Variants in ZNF831 observed in about 807,000 individuals in gnomAD.
ZNF831 encodes the protein chromosome 20 open reading frame 174.
In ZNF831, 59 loss-of-function variants were observed where a neutral mutation model predicts 95.8. That is an observed-to-expected ratio of 0.62 (90% CI 0.50 to 0.77). The LOEUF is 0.77. ZNF831 is among the 30% of genes least tolerant of loss of function. ZNF831 has a pLI of 0.00. For synonymous variants in ZNF831, 961 were observed against 925.5 expected (o/e 1.04, Z -0.70); for missense variants, 2,205 against 2,164.0 (o/e 1.02, Z -0.38).
intron 2 of ZNF831, among the ~76,000 whole-genome samples, chr20:59,151,072 C>T (rs919662956): frequency 1.3e-5 from 2 of 152,192 alleles, no homozygotes; most frequent in South Asian, 2.1e-4. Flanking sequence ...GGGCTGATAG[C>T]GGCTGGGTCT....
chr20:59,185,744 C>T (rs1000976070), intron 1 of ZNF831, among the ~76,000 whole-genome samples: 2 of 152,190 alleles, frequency 1.3e-5, no homozygotes, highest in Admixed American at 1.3e-4. Context: ...CAGGAATTGC[C>T]ACTGAGGCAG....
At chr20:59,130,186 G>A (rs1979304315) in intron 1 of ZNF831, among the ~76,000 whole-genome samples, 1 of 152,196 alleles carries the variant, frequency 6.6e-6, no homozygotes. Context: ...TGTTATTAAA[G>A]AGACAGGGCC....
chr20:59,162,370 G>T (rs1980925990), upstream of ZNF831, among the ~76,000 whole-genome samples: 1 of 152,032 alleles, frequency 6.6e-6, no homozygotes, highest in Admixed American at 6.6e-5. Flanking sequence ...TTTCTTGTAG[G>T]ATTTTTATAG....
chr20:59,190,011 G>T (rs968540322), intron 1 of ZNF831, among the ~76,000 whole-genome samples: 3 of 152,184 alleles, frequency 2.0e-5, no homozygotes, highest in Non-Finnish European at 4.4e-5. Context: ...CTTGCATCTG[G>T]CTTTTCCTTT....
chr20:59,224,604 A>G (rs952802997), intron 4 of ZNF831, among the ~76,000 whole-genome samples: 5 of 152,246 alleles, frequency 3.3e-5, no homozygotes, highest in Admixed American at 2.6e-4. Flanking sequence ...GCTAGGCATT[A>G]GACATTGTTT....
intron 1 of ZNF831, among the ~76,000 whole-genome samples, chr20:59,126,693 C>T (rs1049856883): frequency 6.6e-6 from 1 of 152,234 alleles, no homozygotes; most frequent in Non-Finnish European, 1.5e-5. Flanking sequence ...AGGCCACGCA[C>T]TCATAGTCTC....
chr20:59,224,033 G>A (rs1213330475), intron 4 of ZNF831, among the ~76,000 whole-genome samples: 2 of 152,230 alleles, frequency 1.3e-5, no homozygotes, highest in Non-Finnish European at 2.9e-5. Context: ...CGCTCTTTTG[G>A]GGGTGGATGG....
At chr20:59,226,943 A>G (rs1044856821) in intron 4 of ZNF831, among the ~76,000 whole-genome samples, 1 of 152,140 alleles carries the variant, frequency 6.6e-6, no homozygotes, top group Non-Finnish European at 1.5e-5. Context: ...TTCACCTGAC[A>G]TTAGGACAGT....
intron 4 of ZNF831, among the ~76,000 whole-genome samples, chr20:59,215,020 G>A (rs758013325): frequency 3.9e-5 from 6 of 152,114 alleles, no homozygotes; most frequent in South Asian, 4.1e-4. Flanking sequence ...CTTTCTAGCC[G>A]ATGACATATC....
Position 59,186,395 on chromosome 20 carries a change from G to A in ZNF831, c.-36-4589G>A, listed in dbSNP as rs181446626. Among the ~76,000 whole-genome samples, 24 of 152,318 alleles carry A rather than the reference G, an allele frequency of 1.6e-4. No individual in the cohort carries two copies. In the East Asian group the frequency reaches 2.7e-3, roughly 17 times the overall value. ...AGACAGGGTGGGGGAGGAACCGGTA[G>A]TTAATAGTTCAAAATATTATGGCGT... On this transcript the variant is annotated intron_variant, in intron 1 of 5. Transcript: ENST00000371030.
intron 4 of ZNF831, among the ~76,000 whole-genome samples, chr20:59,223,406 C>A (rs1986225225): frequency 6.6e-6 from 1 of 152,154 alleles, no homozygotes; most frequent in Admixed American, 6.5e-5. Context: ...CAGAACTAGC[C>A]ATGTTTTTTA....
chr20:59,152,196 C>A (rs921783868), intron 2 of ZNF831, among the ~76,000 whole-genome samples: 1 of 152,148 alleles, frequency 6.6e-6, no homozygotes. Context: ...AAAAGTACAG[C>A]GCTCACTTTT....
At chr20:59,173,044 G>A (rs1981868946) in intron 1 of ZNF831, among the ~76,000 whole-genome samples, 1 of 152,120 alleles carries the variant, frequency 6.6e-6, no homozygotes, top group Admixed American at 6.5e-5. Flanking sequence ...CCCTTTCAAG[G>A]CATCTACCCT....
chr20:59,202,497 T>C (rs1271415855), intron 3 of ZNF831, among the ~76,000 whole-genome samples: 1 of 152,166 alleles, frequency 6.6e-6, no homozygotes, highest in Non-Finnish European at 1.5e-5. Context: ...TTTGGAACTT[T>C]GAGATGTGGG....
intron 1 of ZNF831, among the ~76,000 whole-genome samples, chr20:59,144,584 G>A (rs1979781420): frequency 6.6e-6 from 1 of 152,210 alleles, no homozygotes; most frequent in African/African-American, 2.4e-5. Flanking sequence ...TTTCATATGA[G>A]GAGATGGTGA....
chr20:59,155,629 G>A (rs1980495044), intron 2 of ZNF831, among the ~76,000 whole-genome samples: 1 of 152,244 alleles, frequency 6.6e-6, no homozygotes, highest in South Asian at 2.1e-4. Context: ...GCCCAGCGCA[G>A]CAGGGAGGAG....
intron 4 of ZNF831, among the ~76,000 whole-genome samples, chr20:59,238,384 C>G (rs765390867): frequency 1.3e-5 from 2 of 152,144 alleles, no homozygotes; most frequent in Non-Finnish European, 2.9e-5. Context: ...CAGTGCATCT[C>G]GATTTCTCTC....
At position 59,193,936 on chromosome 20, in the gene ZNF831, C is replaced by A. The variant is rs2146591633; in HGVS notation, c.2917C>A (p.Pro973Thr). 1 of 1,588,638 alleles carries A rather than the reference C, an allele frequency of 6.3e-7. No individual in the cohort carries two copies. The highest frequency in any genetic ancestry group is 1.7e-5 in the Admixed American group (1 of 57,298). ...SQDSLCSSGW[P>T]EERASFVGSG... ...GGACTCTCTCTGCAGCAGTGGGTGG[C>A]CTGAAGAACGGGCATCATTTGTTGG... Residue 973 changes from proline to threonine, a missense_variant, in exon 2 of 6, where the codon CCT becomes ACT. Transcript: ENST00000371030.
upstream of ZNF831, among the ~76,000 whole-genome samples, chr20:59,161,672 C>T (rs950255499): frequency 2.0e-5 from 3 of 152,282 alleles, no homozygotes; most frequent in South Asian, 2.1e-4. Flanking sequence ...TGACAGGCAC[C>T]CAGGTTGATT....
Sources: gnomAD v4.1 joint callset for allele counts (sites outside exome capture counted in the v4.1 genomes callset) on GRCh38, gnomAD v4.1.1 for gene constraint, MANE v1.5 for transcripts, NCBI Gene and HGNC (gene_info 2026-07-23, HGNC 2026-07-21) for gene names.